KCNIP4: variants seen among roughly 807,000 people sequenced by gnomAD.
The protein encoded by KCNIP4 is Kv channel-interacting protein 4.
In KCNIP4, 12 loss-of-function variants were observed where a neutral mutation model predicts 34.0. The ratio of observed to expected loss-of-function variants is 0.35; its 90% CI spans 0.23 to 0.57. The LOEUF is 0.57. KCNIP4 is among the 20% of genes least tolerant of loss of function. The probability of loss-of-function intolerance (pLI) is 0.83; values close to 1 mark genes in which losing one functional copy is unlikely to be tolerated. For missense variants in KCNIP4, 238 were observed against 311.7 expected (o/e 0.76, Z 1.78); for synonymous variants, 124 against 102.2 (o/e 1.21, Z -1.29).
At chr4:21,743,026 C>T (rs114978319) in intron 1 of KCNIP4, among the ~76,000 whole-genome samples, 217 of 152,138 alleles carry the variant, frequency 1.4e-3, no homozygotes, top group African/African-American at 4.3e-3. Context: ...TATCTACATT[C>T]GGATTTACCG....
At chr4:21,202,606 A>T (rs1187658522) in intron 1 of KCNIP4, among the ~76,000 whole-genome samples, 1 of 152,182 alleles carries the variant, frequency 6.6e-6, no homozygotes, top group Non-Finnish European at 1.5e-5. Context: ...GAAGGAAAAG[A>T]TACCTGATTC....
chr4:21,785,952 C>T (rs1719879857), intron 1 of KCNIP4, among the ~76,000 whole-genome samples: 2 of 152,112 alleles, frequency 1.3e-5, no homozygotes, highest in Non-Finnish European at 2.9e-5. Context: ...ATTTTCACCT[C>T]TCTTTTTATT....
chr4:21,898,994 A>G lies in KCNIP4; in HGVS notation c.61+49577T>C, dbSNP rs183281720. Among the ~76,000 whole-genome samples, 4 of 152,268 alleles carry G rather than the reference A, an allele frequency of 2.6e-5. No individual in the cohort carries two copies. The East Asian group carries it at 7.8e-4, about 30-fold the overall frequency. On this transcript the variant is annotated intron_variant, in intron 1 of 8. Transcript: ENST00000382152. ...TGGCCACAGGGAGAGGCACCTCTGC[A>G]TGTGGAAAGGGGAGAAAACAGTAGG...
intron 1 of KCNIP4, among the ~76,000 whole-genome samples, chr4:21,758,164 A>T (rs901748028): frequency 6.6e-6 from 1 of 152,328 alleles, no homozygotes; most frequent in African/African-American, 2.4e-5. Flanking sequence ...ATTCAATTAA[A>T]GTTTTGGGGT....
chr4:21,836,942 G>A (rs1468785719), intron 1 of KCNIP4, among the ~76,000 whole-genome samples: 1 of 127,872 alleles, frequency 7.8e-6, no homozygotes, highest in African/African-American at 3.0e-5. Flanking sequence ...TTTTGAGACA[G>A]AGTCTGGCTC....
intron 1 of KCNIP4, among the ~76,000 whole-genome samples, chr4:21,406,178 A>G (rs1723975039): frequency 6.6e-6 from 1 of 152,176 alleles, no homozygotes; most frequent in African/African-American, 2.4e-5. Context: ...CTTGCTCTGT[A>G]GCTGAAAGTC....
At chr4:21,433,984 T>A (rs1726729748) in intron 1 of KCNIP4, among the ~76,000 whole-genome samples, 1 of 152,238 alleles carries the variant, frequency 6.6e-6, no homozygotes, top group Admixed American at 6.5e-5. Context: ...ACTGCAAGGC[T>A]GATTTTATAA....
At chr4:21,457,285 C>A (rs1729033848) in intron 1 of KCNIP4, among the ~76,000 whole-genome samples, 1 of 152,086 alleles carries the variant, frequency 6.6e-6, no homozygotes. Flanking sequence ...ATTCCATGAT[C>A]TCTTTTAATT....
chr4:21,417,209 G>A (rs563761389), intron 1 of KCNIP4, among the ~76,000 whole-genome samples: 4 of 151,988 alleles, frequency 2.6e-5, no homozygotes, highest in East Asian at 1.9e-4. Context: ...ACATAAGGTC[G>A]TGCAGAGCAC....
At chr4:21,232,307 C>T (rs931612885) in intron 1 of KCNIP4, among the ~76,000 whole-genome samples, 3 of 152,016 alleles carry the variant, frequency 2.0e-5, no homozygotes, top group Admixed American at 1.3e-4. Context: ...ATATATCATG[C>T]TTTAATTAAG....
chr4:21,524,063 C>T (rs1048553856), intron 1 of KCNIP4, among the ~76,000 whole-genome samples: 2 of 151,960 alleles, frequency 1.3e-5, no homozygotes, highest in East Asian at 1.9e-4. Flanking sequence ...TGAGTCTGAG[C>T]CTCTCTCCTC....
intron 1 of KCNIP4, among the ~76,000 whole-genome samples, chr4:21,732,654 A>G (rs6448070): frequency 0.52 from 78,376 of 151,790 alleles, 22,431 homozygotes; most frequent in East Asian, 0.78. Flanking sequence ...CACTCTCCTC[A>G]TCCCATTCCA....
chr4:21,177,962 A>G (rs1051413673), intron 1 of KCNIP4, among the ~76,000 whole-genome samples: 10 of 151,872 alleles, frequency 6.6e-5, no homozygotes, highest in African/African-American at 2.2e-4. Flanking sequence ...TACTTTTCCA[A>G]ATTAAATTCA....
At chr4:20,999,082 C>T (rs1737825092) in intron 1 of KCNIP4, among the ~76,000 whole-genome samples, 1 of 152,190 alleles carries the variant, frequency 6.6e-6, no homozygotes, top group Admixed American at 6.5e-5. Context: ...TTAACTCACT[C>T]TTCATTCTAG....
chr4:21,698,527 C>A (rs895810031), intron 1 of KCNIP4, among the ~76,000 whole-genome samples: 1 of 152,142 alleles, frequency 6.6e-6, no homozygotes, highest in Non-Finnish European at 1.5e-5. Context: ...GGGATAGAGG[C>A]AGTTGCTGTG....
intron 1 of KCNIP4, among the ~76,000 whole-genome samples, chr4:20,993,050 A>G (rs1192892547): frequency 6.6e-6 from 1 of 150,900 alleles, no homozygotes; most frequent in East Asian, 1.9e-4. Flanking sequence ...AAAAAAAAAA[A>G]AGAGAGCACA....
chr4:21,095,937 C>T lies in KCNIP4; in HGVS notation c.62-213228G>A, dbSNP rs78564303. 7.2e-4 allele frequency among the ~76,000 whole-genome samples: 110 copies of T among 152,174 alleles called. No individual in the cohort carries two copies. In the East Asian group the frequency reaches 0.016, roughly 22 times the overall value. On this transcript the variant is annotated intron_variant, in intron 1 of 8. Coordinates refer to ENST00000382152, the MANE Select transcript of KCNIP4 (RefSeq NM_025221.6). ...AAAATCCCCAGGAAACCAGCAGAAA[C>T]GAAATTGGACAAATCCTAATACATA...
intron 1 of KCNIP4, among the ~76,000 whole-genome samples, chr4:20,977,515 T>C (rs1735606082): frequency 6.6e-6 from 1 of 152,168 alleles, no homozygotes; most frequent in South Asian, 2.1e-4. Flanking sequence ...CTCCCCTCAC[T>C]GCCCACTTAA....
chr4:21,044,733 G>A (rs1742289355), intron 1 of KCNIP4, among the ~76,000 whole-genome samples: 1 of 152,106 alleles, frequency 6.6e-6, no homozygotes, highest in African/African-American at 2.4e-5. Flanking sequence ...GACCCCTCCT[G>A]GGACTCTTTC....
Sources: gnomAD v4.1 joint callset for allele counts (sites outside exome capture counted in the v4.1 genomes callset) on GRCh38, gnomAD v4.1.1 for gene constraint, MANE v1.5 for transcripts, NCBI Gene and HGNC (gene_info 2026-07-23, HGNC 2026-07-21) for gene names.